Variants in CCSER1 observed in about 807,000 individuals in gnomAD.
CCSER1 encodes serine-rich coiled-coil domain-containing protein 1.
CCSER1 carries 41 observed loss-of-function variants against 82.0 expected under a neutral mutation model. The observed-to-expected ratio is 0.50, with a 90% CI of 0.39 to 0.65. CCSER1 has a LOEUF of 0.65. Ranked by LOEUF, CCSER1 falls within the 30% of genes least tolerant of loss-of-function variation. CCSER1 has a pLI of 0.00. For synonymous variants in CCSER1, 414 were observed against 383.9 expected (o/e 1.08, Z -0.92); for missense variants, 1,119 against 1,064.2 (o/e 1.05, Z -0.72).
At chr4:91,075,512 A>G (rs982662887) in intron 9 of CCSER1, among the ~76,000 whole-genome samples, 4 of 152,266 alleles carry the variant, frequency 2.6e-5, no homozygotes, top group East Asian at 1.9e-4. Flanking sequence ...AATTCTGTGA[A>G]TCTTATATTA....
chr4:91,156,770 CT>C (rs962743114), intron 10 of CCSER1, among the ~76,000 whole-genome samples: 3 of 151,748 alleles, frequency 2.0e-5, no homozygotes, highest in African/African-American at 4.8e-5. Context: ...CACCTTCCTT[CT>C]CTTGTCACAA....
chr4:91,149,252 A>T (rs1729875304), intron 10 of CCSER1, among the ~76,000 whole-genome samples: 1 of 152,154 alleles, frequency 6.6e-6, no homozygotes. Flanking sequence ...GCATTTGTTC[A>T]TGTGTCTGTT....
chr4:90,811,211 A>G (rs1386083855), intron 7 of CCSER1, among the ~76,000 whole-genome samples: 1 of 152,188 alleles, frequency 6.6e-6, no homozygotes, highest in East Asian at 1.9e-4. Flanking sequence ...GGTAGAAGGC[A>G]ATAAAATCCA....
intron 3 of CCSER1, among the ~76,000 whole-genome samples, chr4:90,380,970 GCA>G (rs1749108505): frequency 1.3e-5 from 2 of 152,370 alleles, no homozygotes; most frequent in Admixed American, 6.5e-5. Context: ...CGATGCGGGA[GCA>G]CAAAGATGGG....
chr4:90,916,536 T>C (rs1727454448), intron 8 of CCSER1, among the ~76,000 whole-genome samples: 3 of 152,182 alleles, frequency 2.0e-5, no homozygotes, highest in South Asian at 4.2e-4. Context: ...AAGACTTAAA[T>C]GTTAGACCTA....
At chr4:91,598,461 C>T (rs1764684548) in intron 10 of CCSER1, 111 bp from the exon 11 acceptor site, 2 of 1,121,364 alleles carry the variant, frequency 1.8e-6, no homozygotes, top group Admixed American at 2.9e-5. Flanking sequence ...TTATAAACCT[C>T]ATTGAAAATT....
chr4:90,248,847 G>A (rs891401968), intron 1 of CCSER1, among the ~76,000 whole-genome samples: 1 of 151,554 alleles, frequency 6.6e-6, no homozygotes, highest in African/African-American at 2.4e-5. Flanking sequence ...ACAGGTGCAC[G>A]CCATCACAGT....
chr4:90,700,257 G>A lies in CCSER1; in HGVS notation c.1933-23657G>A, dbSNP rs116267699. On this transcript the variant is annotated intron_variant, in intron 6 of 10. Transcript: ENST00000509176. Reference sequence around the variant, plus strand: ...GTGGTGTGTTTGGTTTTTTGTCCTTGTGACATTTGCTGAGAATGATGGTTT... The same window carrying A: ...GTGGTGTGTTTGGTTTTTTGTCCTTATGACATTTGCTGAGAATGATGGTTT... Among the ~76,000 whole-genome samples the A allele has an allele frequency of 4.1e-3, 618 of 152,050 alleles. 4 individuals carry two copies. Among genetic ancestry groups the A allele is most frequent in the African/African-American group, 0.014 (593 of 41,504 alleles).
intron 3 of CCSER1, among the ~76,000 whole-genome samples, chr4:90,339,298 G>A (rs948716384): frequency 5.3e-5 from 8 of 152,094 alleles, no homozygotes; most frequent in Non-Finnish European, 1.2e-4. Flanking sequence ...TGTCGGGGTG[G>A]CCTCTCTGGC....
intron 10 of CCSER1, among the ~76,000 whole-genome samples, chr4:91,582,832 A>G (rs1763798672): frequency 6.6e-6 from 1 of 151,508 alleles, no homozygotes; most frequent in African/African-American, 2.4e-5. Flanking sequence ...CATGCATGTT[A>G]TAATTCAAGA....
intron 10 of CCSER1, among the ~76,000 whole-genome samples, chr4:91,144,605 C>A (rs1189529814): frequency 1.3e-5 from 2 of 150,378 alleles, no homozygotes; most frequent in African/African-American, 2.4e-5. Flanking sequence ...AGCACTATAA[C>A]CTGTCCTCTT....
chr4:91,440,007 A>T (rs7673730), intron 10 of CCSER1, among the ~76,000 whole-genome samples: 121,240 of 150,470 alleles, frequency 0.81, 49,089 homozygotes, highest in East Asian at 0.92. Context: ...CTCCCACGCA[A>T]TAATAATGGG....
At chr4:90,932,988 GA>G (rs1227239339) in intron 9 of CCSER1, among the ~76,000 whole-genome samples, 1 of 32,798 alleles carries the variant, frequency 3.0e-5, no homozygotes, top group Non-Finnish European at 5.7e-5. Context: ...GAAAGAGAAA[GA>G]AAGAAAGAAA....
At chr4:90,283,914 C>T (rs1729347595) in intron 1 of CCSER1, among the ~76,000 whole-genome samples, 1 of 151,966 alleles carries the variant, frequency 6.6e-6, no homozygotes, top group Admixed American at 6.6e-5. Flanking sequence ...TAATATTCTC[C>T]ACAGTAGCTA....
chr4:90,667,624 A>C (rs1350419123), intron 6 of CCSER1, among the ~76,000 whole-genome samples: 1 of 152,072 alleles, frequency 6.6e-6, no homozygotes, highest in Non-Finnish European at 1.5e-5. Context: ...TAGTTTGCTG[A>C]GAATGATGGT....
chr4:91,164,172 T>A (rs538677060), intron 10 of CCSER1, among the ~76,000 whole-genome samples: 1 of 152,290 alleles, frequency 6.6e-6, no homozygotes, highest in African/African-American at 2.4e-5. Context: ...AGAATTTTAT[T>A]TCTCCTTCAC....
chr4:90,271,896 G>A (rs1473746107), intron 1 of CCSER1, among the ~76,000 whole-genome samples: 3 of 85,888 alleles, frequency 3.5e-5, no homozygotes, highest in African/African-American at 1.3e-4. Context: ...TTTTTAAAAG[G>A]AGGTTTAATT....
intron 9 of CCSER1, among the ~76,000 whole-genome samples, chr4:90,939,825 T>C (rs1731382263): frequency 6.6e-6 from 1 of 152,234 alleles, no homozygotes; most frequent in African/African-American, 2.4e-5. Flanking sequence ...GTATTTGCCC[T>C]TGTTGATTTT....
Position 91,142,050 on chromosome 4 carries a change from A to G in CCSER1, c.2217+56056A>G, listed in dbSNP as rs574825970. Among the ~76,000 whole-genome samples the G allele has an allele frequency of 3.9e-5, 6 of 152,304 alleles. No individual in the cohort carries two copies. In the East Asian group the frequency reaches 9.7e-4, roughly 25 times the overall value. The stretch of plus-strand genomic sequence containing the variant: ...TTGTGAATATTTTCTCCAATTCTGC[A>G]GATTGTCTGCTTACCCTGTGATATG... On this transcript the variant is annotated intron_variant, in intron 10 of 10. Transcript: ENST00000509176.
Sources: gnomAD v4.1 joint callset for allele counts (sites outside exome capture counted in the v4.1 genomes callset) on GRCh38, gnomAD v4.1.1 for gene constraint, MANE v1.5 for transcripts, NCBI Gene and HGNC (gene_info 2026-07-23, HGNC 2026-07-21) for gene names.